GRIN2B: variants seen among roughly 807,000 people sequenced by gnomAD.
GRIN2B encodes the protein glutamate receptor ionotropic, NMDA 2B.
In GRIN2B, 5 loss-of-function variants were observed where a neutral mutation model predicts 114.5. That is an observed-to-expected ratio of 0.04 (90% CI 0.02 to 0.09). The LOEUF is 0.09. GRIN2B is among the 10% of genes least tolerant of loss of function. The pLI, the probability that GRIN2B is intolerant of heterozygous loss-of-function variation, is 1.00. For missense variants in GRIN2B, 1,108 were observed against 1,943.5 expected, an observed-to-expected ratio of 0.57 and a Z score of 8.08; for synonymous variants, 787 against 745.1, an observed-to-expected ratio of 1.06 and a Z score of -0.92.
intron 2 of GRIN2B, among the ~76,000 whole-genome samples, chr12:13,979,024 C>T (rs1405170214): frequency 6.6e-6 from 1 of 152,164 alleles, no homozygotes; most frequent in Non-Finnish European, 1.5e-5. Context: ...CTTTGTTTAA[C>T]ACAAAGACTC....
intron 3 of GRIN2B, among the ~76,000 whole-genome samples, chr12:13,827,229 C>CTTTTTTTTTTTTTTTTTTTT (rs57007962): frequency 4.1e-5 from 4 of 98,650 alleles, no homozygotes; most frequent in African/African-American, 8.3e-5. Context: ...TTGTTGTTTT[C>CTTTTTTTTTTTTTTTTTTTT]TTTTTTTTTT....
intron 3 of GRIN2B, among the ~76,000 whole-genome samples, chr12:13,765,540 G>A (rs1173899603): frequency 6.6e-6 from 1 of 152,144 alleles, no homozygotes; most frequent in Non-Finnish European, 1.5e-5. Context: ...ATGGATGATG[G>A]TTTGTCATTA....
chr12:13,720,098 T>C (rs943693677), intron 4 of GRIN2B, among the ~76,000 whole-genome samples: 3 of 152,000 alleles, frequency 2.0e-5, no homozygotes, highest in African/African-American at 7.2e-5. Context: ...CTCAGTTCCC[T>C]GGGCTAATGG....
chr12:13,686,763 C>A (rs1309385924), intron 4 of GRIN2B, among the ~76,000 whole-genome samples: 2 of 152,102 alleles, frequency 1.3e-5, no homozygotes, highest in African/African-American at 4.8e-5. Context: ...GCTGCAAAAT[C>A]ATCAATAATC....
In GRIN2B at chr12:13,549,822, T is replaced by G. The variant is rs1948388214; in HGVS notation, c.*12961A>C. 1 of 152,344 alleles carries G rather than the reference T, an allele frequency of 6.6e-6. No homozygotes were observed. Among genetic ancestry groups the G allele is most frequent in the East Asian group, 1.9e-4 (1 of 5,194 alleles). 9.4% of individuals were successfully genotyped at this position (152,344 alleles called of 1,614,324 possible). On this transcript the variant is annotated 3_prime_UTR_variant, in exon 14 of 14. Transcript: ENST00000609686. ...TTCTGATTTTCAAATTTTTGCTTTCTTCTTGCTCTTTTTGACTTGTCTCTG... is the reference window on the plus strand; with the variant it reads ...TTCTGATTTTCAAATTTTTGCTTTCGTCTTGCTCTTTTTGACTTGTCTCTG...
At chr12:13,578,832 A>G (rs1948809372) in intron 10 of GRIN2B, among the ~76,000 whole-genome samples, 1 of 152,160 alleles carries the variant, frequency 6.6e-6, no homozygotes, top group Non-Finnish European at 1.5e-5. Context: ...CTCTCTGAGA[A>G]GGTGGCATCT....
chr12:13,679,153 G>C (rs1317388966), intron 4 of GRIN2B, among the ~76,000 whole-genome samples: 1 of 152,154 alleles, frequency 6.6e-6, no homozygotes, highest in South Asian at 2.1e-4. Context: ...CTTGTTATCA[G>C]ACACTGTGCT....
intron 2 of GRIN2B, among the ~76,000 whole-genome samples, chr12:13,918,256 G>C (rs1246433997): frequency 6.6e-6 from 1 of 152,200 alleles, no homozygotes; most frequent in Non-Finnish European, 1.5e-5. Context: ...GTGAGTGAAA[G>C]TTAGCCAGAC....
chr12:13,824,352 GTT>G (rs1864991786), intron 3 of GRIN2B, among the ~76,000 whole-genome samples: 1 of 152,134 alleles, frequency 6.6e-6, no homozygotes, highest in Non-Finnish European at 1.5e-5. Context: ...AACTTTCGTA[GTT>G]TTCTGTCTCT....
intron 2 of GRIN2B, among the ~76,000 whole-genome samples, chr12:13,953,180 G>A (rs1222721118): frequency 6.6e-6 from 1 of 152,036 alleles, no homozygotes; most frequent in Non-Finnish European, 1.5e-5. Context: ...TCACAGCATG[G>A]CAGCAGGGAT....
At chr12:13,786,768 G>A (rs752434895) in intron 3 of GRIN2B, among the ~76,000 whole-genome samples, 5 of 152,142 alleles carry the variant, frequency 3.3e-5, no homozygotes, top group Admixed American at 6.5e-5. Flanking sequence ...ACTCAAAGGG[G>A]AAGAAAGGGA....
chr12:13,765,616 CCT>C (rs1242091371), intron 3 of GRIN2B, among the ~76,000 whole-genome samples: 2 of 152,192 alleles, frequency 1.3e-5, no homozygotes, highest in Non-Finnish European at 2.9e-5. Flanking sequence ...AAACAATCTC[CCT>C]TTCTAATTCA....
At chr12:13,650,562 G>T (rs1452963892) in intron 5 of GRIN2B, among the ~76,000 whole-genome samples, 1 of 151,958 alleles carries the variant, frequency 6.6e-6, no homozygotes, top group African/African-American at 2.4e-5. Flanking sequence ...CTTTCTGCTG[G>T]AGTTCTGAAC....
chr12:13,866,147 A>T lies in GRIN2B; in HGVS notation c.62T>A (p.Val21Glu). 6.2e-7 allele frequency: 1 copy of T among 1,613,092 alleles called. No homozygotes were observed. Among genetic ancestry groups the T allele is most frequent in the Non-Finnish European group, 8.5e-7 (1 of 1,179,942 alleles). Residue 21 changes from valine (V) to glutamate (E), a missense_variant, in exon 3 of 14, where the codon GTG becomes GAG. By Grantham distance (121) the Val-to-Glu change is moderately radical. Around this residue, in one of 19 missense-constraint regions of GRIN2B, gnomAD observed 46 missense variants for 44.4 expected, o/e 1.04. Coordinates refer to ENST00000609686, the MANE Select transcript of GRIN2B (RefSeq NM_000834.5). Reference protein sequence around the residue: ...KFWLVLAVLAVSGSRARSQKS... With the variant: ...KFWLVLAVLAESGSRARSQKS... ...CTGAGAACGAGCTCTGCTGCCTGACACGGCCAGGACGGCCAACACCAACCA... is the reference window on the plus strand; with the variant it reads ...CTGAGAACGAGCTCTGCTGCCTGACTCGGCCAGGACGGCCAACACCAACCA...
rs1353263758 is a variant in GRIN2B, at chr12:13,538,823, CAAACAAAAAAA to C, written c.*23949_*23959del. The C allele has an allele frequency of 7.0e-6, 1 of 143,714 alleles. No homozygotes were observed. The highest frequency in any genetic ancestry group is 2.6e-5 in the African/African-American group (1 of 39,110). 8.9% of individuals were successfully genotyped at this position (143,714 alleles called of 1,614,324 possible). A position where few individuals can be genotyped will look rare whatever the true frequency, so the allele number is the denominator to read the frequency against. The stretch of plus-strand genomic sequence containing the variant: ...GAGCAAGACCCTCTTAAAAAACAAA[CAAACAAAAAAA>C]AAACAAACAAAAAAACAAAAACAAC... On this transcript the variant is annotated 3_prime_UTR_variant, in exon 14 of 14. Transcript: ENST00000609686.
intron 3 of GRIN2B, among the ~76,000 whole-genome samples, chr12:13,780,834 C>CAAAAAA (rs200061187): frequency 1.2e-5 from 1 of 84,700 alleles, no homozygotes; most frequent in African/African-American, 3.8e-5. Context: ...CAGGTTTTGC[C>CAAAAAA]AAAAAAAAAA....
intron 3 of GRIN2B, among the ~76,000 whole-genome samples, chr12:13,764,180 T>C (rs920837589): frequency 1.0e-5 from 1 of 99,058 alleles, no homozygotes; most frequent in African/African-American, 4.3e-5. Flanking sequence ...TCTATATCCA[T>C]ACCAAAAAAA....
rs201947558 is a variant in GRIN2B, at chr12:13,615,303, C to T, written c.1501-36G>A. ...GGCGCGATGCTCCAATTAAAACATT[C>T]AGGAGGGCAAGGGACCACCACAAGG... On this transcript the variant is annotated intron_variant, in intron 7 of 13. Coordinates refer to ENST00000609686, the MANE Select transcript of GRIN2B (RefSeq NM_000834.5). This position sits in a 1 kb window ranked among gnomAD's most constrained non-coding sequence, Gnocchi z 5.8. 64 of 1,609,326 alleles carry T rather than the reference C, an allele frequency of 4.0e-5. No homozygotes were observed. Among genetic ancestry groups the T allele is most frequent in the Non-Finnish European group, 5.4e-5 (63 of 1,175,922 alleles).
At chr12:13,925,144 G>A (rs866376647) in intron 2 of GRIN2B, among the ~76,000 whole-genome samples, 2 of 152,198 alleles carry the variant, frequency 1.3e-5, no homozygotes, top group African/African-American at 4.8e-5. Context: ...TGAAGCGCCA[G>A]TGTTGCCTTT....
Sources: gnomAD v4.1 joint callset for allele counts (sites outside exome capture counted in the v4.1 genomes callset) on GRCh38, gnomAD v4.1.1 for gene constraint, gnomAD v4.1.1 regional missense constraint, Gnocchi (gnomAD v3.1) non-coding constraint, MANE v1.5 for transcripts, NCBI Gene and HGNC (gene_info 2026-07-23, HGNC 2026-07-21) for gene names.